Variants in PTPRJ observed in about 807,000 individuals in gnomAD.
PTPRJ encodes the protein protein tyrosine phosphatase receptor type J.
PTPRJ carries 129 observed loss-of-function variants against 141.3 expected under a neutral mutation model. That is an observed-to-expected ratio of 0.91 (90% CI 0.79 to 1.06). The LOEUF (loss-of-function observed/expected upper bound fraction) is 1.06. PTPRJ is among the 50% of genes least tolerant of loss of function. The probability of loss-of-function intolerance (pLI) is 0.00; values close to 1 mark genes in which losing one functional copy is unlikely to be tolerated. For synonymous variants in PTPRJ, 610 were observed against 640.5 expected (o/e 0.95, Z 0.72); for missense variants, 1,601 against 1,679.7 (o/e 0.95, Z 0.82).
In PTPRJ at chr11:48,139,533, C is replaced by A. The variant is rs1187885098; in HGVS notation, c.2200C>A (p.Pro734Thr). ...CGACTGCGAAGTGGTCCCCAAAGAG[C>A]CAGCCCTGGTTCTCAAATGGACCTG... ...SFDCEVVPKE[P>T]ALVLKWTCPP... is the part of the protein sequence containing the mutation. Residue 734 changes from proline to threonine, a missense_variant, in exon 11 of 25, where the codon CCA (proline) becomes ACA (threonine). Transcript: ENST00000418331. The A allele has an allele frequency of 6.2e-7, 1 of 1,614,122 alleles. No homozygotes were observed. Among genetic ancestry groups the A allele is most frequent in the Non-Finnish European group, 8.5e-7 (1 of 1,180,040 alleles).
intron 21 of PTPRJ, among the ~76,000 whole-genome samples, chr11:48,159,394 A>G (rs1857706473): frequency 6.6e-6 from 1 of 152,100 alleles, no homozygotes; most frequent in East Asian, 1.9e-4. Context: ...GAGGTCAGTG[A>G]ACAGTTGTGG....
intron 1 of PTPRJ, among the ~76,000 whole-genome samples, chr11:48,001,095 G>C (rs1325321481): frequency 6.7e-6 from 1 of 149,910 alleles, no homozygotes; most frequent in Non-Finnish European, 1.5e-5. Flanking sequence ...CCAGGTTCAA[G>C]CAATTCTCGG....
At chr11:48,087,517 C>T (rs1348912527) in intron 1 of PTPRJ, among the ~76,000 whole-genome samples, 1 of 152,110 alleles carries the variant, frequency 6.6e-6, no homozygotes, top group African/African-American at 2.4e-5. Context: ...AAATCCCAAA[C>T]CCAGGTAGAT....
Position 48,149,840 on chromosome 11 carries a change from T to G in PTPRJ, c.3042-150T>G, listed in dbSNP as rs140764669. The G allele has an allele frequency of 2.8e-3, 1,674 of 608,008 alleles. 2 individuals are homozygous for G. The highest frequency in any genetic ancestry group is 3.9e-3 in the Non-Finnish European group (1,356 of 347,724). The allele number at this position is 608,008 out of a possible 1,614,324, so 37.7% of individuals were successfully genotyped here. A position where few individuals can be genotyped will look rare whatever the true frequency, so the allele number is the denominator to read the frequency against. Reference sequence around the variant, plus strand: ...GAAATCAGATTTCCTGAATCATATTTTAGTGTTTTGTGAATAATAGTACTC... The same window carrying G: ...GAAATCAGATTTCCTGAATCATATTGTAGTGTTTTGTGAATAATAGTACTC... On this transcript the variant is annotated intron_variant, in intron 16 of 24. Transcript: ENST00000418331.
chr11:48,090,791 C>T (rs1419350211), intron 1 of PTPRJ, among the ~76,000 whole-genome samples: 1 of 152,144 alleles, frequency 6.6e-6, no homozygotes, highest in Non-Finnish European at 1.5e-5. Context: ...CTCTCAGGTG[C>T]CTGTGCCCTG....
chr11:48,063,413 T>C (rs1854994310), intron 1 of PTPRJ, among the ~76,000 whole-genome samples: 1 of 152,250 alleles, frequency 6.6e-6, no homozygotes, highest in Non-Finnish European at 1.5e-5. Context: ...AGGGTTTTGG[T>C]CTCTTTCTCG....
At chr11:48,154,870 G>C (rs760029965) in intron 19 of PTPRJ, among the ~76,000 whole-genome samples, 1 of 152,240 alleles carries the variant, frequency 6.6e-6, no homozygotes, top group Non-Finnish European at 1.5e-5. Flanking sequence ...AATGTCTGTG[G>C]AGATTCTCAG....
chr11:48,021,376 A>AAAATAAAT (rs71457241), intron 1 of PTPRJ, among the ~76,000 whole-genome samples: 1,889 of 136,512 alleles, frequency 0.014, 20 homozygotes, highest in South Asian at 0.031. Flanking sequence ...CTCCGTCCCT[A>AAAATAAAT]AAATAAATAA....
At chr11:48,095,578 A>C (rs1387922639) in intron 1 of PTPRJ, among the ~76,000 whole-genome samples, 1 of 130,544 alleles carries the variant, frequency 7.7e-6, no homozygotes, top group African/African-American at 3.2e-5. Context: ...TCAAACATAT[A>C]CTTTTTTTTT....
intron 1 of PTPRJ, among the ~76,000 whole-genome samples, chr11:48,019,245 G>T (rs1281287151): frequency 1.3e-5 from 2 of 152,140 alleles, no homozygotes; most frequent in African/African-American, 4.8e-5. Context: ...TATAACAACA[G>T]AAGAGGATTT....
chr11:48,040,612 CT>C lies in PTPRJ; in HGVS notation c.96+59620del, dbSNP rs398055231. On this transcript the variant is annotated intron_variant, in intron 1 of 24. Transcript: ENST00000418331. Reference sequence around the variant, plus strand: ...TACTTTCTTTCTTCTTCTTCTTCTTCTTTTTTTTTTTTTTTTGAGACGGAGT... The same window carrying C: ...TACTTTCTTTCTTCTTCTTCTTCTTCTTTTTTTTTTTTTTTGAGACGGAGT... Among the ~76,000 whole-genome samples, 1,086 of 135,338 alleles carry C rather than the reference CT, an allele frequency of 8.0e-3. 11 individuals are homozygous for C. Among genetic ancestry groups the C allele is most frequent in the African/African-American group, 0.024 (818 of 34,414 alleles). 88.8% of individuals were successfully genotyped at this position (135,338 alleles called of 152,430 possible).
chr11:48,019,314 C>T (rs532316356), intron 1 of PTPRJ, among the ~76,000 whole-genome samples: 15 of 152,232 alleles, frequency 9.9e-5, no homozygotes, highest in African/African-American at 3.6e-4. Context: ...GGCCCCACTG[C>T]GACAGCCTCT....
chr11:48,039,736 A>C (rs1341998049), intron 1 of PTPRJ, among the ~76,000 whole-genome samples: 2 of 150,500 alleles, frequency 1.3e-5, no homozygotes, highest in African/African-American at 2.4e-5. Context: ...TAGGGCTCCC[A>C]CTGTTAAGTT....
chr11:48,109,087 G>A (rs1407150037), intron 1 of PTPRJ, among the ~76,000 whole-genome samples: 6 of 152,100 alleles, frequency 3.9e-5, no homozygotes, highest in Non-Finnish European at 8.8e-5. Flanking sequence ...TGGGCAGAGT[G>A]TGTTTGTGGG....
intron 1 of PTPRJ, among the ~76,000 whole-genome samples, chr11:48,008,998 G>A (rs913641215): frequency 3.9e-5 from 6 of 152,192 alleles, no homozygotes; most frequent in East Asian, 1.9e-4. Context: ...CTGATATTTC[G>A]TTGAAAGTCA....
At chr11:48,115,732 G>T (rs533567706) in intron 3 of PTPRJ, among the ~76,000 whole-genome samples, 1 of 152,258 alleles carries the variant, frequency 6.6e-6, no homozygotes, top group South Asian at 2.1e-4. Flanking sequence ...ACAATAACTT[G>T]CAGGGGGGAT....
intron 21 of PTPRJ, 69 bp from the exon 22 acceptor site, chr11:48,159,861 C>A: frequency 1.3e-6 from 2 of 1,586,024 alleles, no homozygotes; most frequent in South Asian, 1.1e-5. Context: ...GCCAGTCTCC[C>A]TTGTGAGGTT....
chr11:47,999,678 T>C (rs183893210), intron 1 of PTPRJ, among the ~76,000 whole-genome samples: 1 of 152,224 alleles, frequency 6.6e-6, no homozygotes, highest in African/African-American at 2.4e-5. Flanking sequence ...GTTGTTAATA[T>C]GTAGCCAGGG....
Position 48,139,648 on chromosome 11 carries a change from A to G in PTPRJ, c.2315A>G (p.Asn772Ser), listed in dbSNP as rs61737865. Residue 772 changes from asparagine (N) to serine (S), a missense_variant, in exon 11 of 25, where the codon AAT (asparagine) becomes AGT (serine). Coordinates refer to ENST00000418331, the MANE Select transcript of PTPRJ (RefSeq NM_002843.4). Reference sequence around the variant, plus strand: ...CACCTGGAGAGCTGCTCCTCTGAGAATGGCACTGAGTATAGAACGGAAGTC... The same window carrying G: ...CACCTGGAGAGCTGCTCCTCTGAGAGTGGCACTGAGTATAGAACGGAAGTC... ...ATHLESCSSE[N>S]GTEYRTEVTY... The G allele has an allele frequency of 5.0e-6, 8 of 1,614,114 alleles. No individual in the cohort carries two copies. Among genetic ancestry groups the G allele is most frequent in the Middle Eastern group, 3.3e-4 (2 of 6,084 alleles).
Sources: gnomAD v4.1 joint callset for allele counts (sites outside exome capture counted in the v4.1 genomes callset) on GRCh38, gnomAD v4.1.1 for gene constraint, MANE v1.5 for transcripts, NCBI Gene and HGNC (gene_info 2026-07-23, HGNC 2026-07-21) for gene names.